EYS: variants seen among roughly 807,000 people sequenced by gnomAD.
The protein encoded by EYS is protein eyes shut homolog.
EYS carries 250 observed loss-of-function variants against 282.1 expected under a neutral mutation model. The observed-to-expected ratio is 0.89, with a 90% CI of 0.80 to 0.98. The LOEUF is 0.98. Among genes scored for constraint, EYS ranks in the 50% least tolerant of loss-of-function variants. The pLI, the probability that EYS is intolerant of heterozygous loss-of-function variation, is 0.00. For synonymous variants in EYS, 1,355 were observed against 1,282.9 expected, an observed-to-expected ratio of 1.06 and a Z score of -1.20; for missense variants, 4,016 against 3,709.0, an observed-to-expected ratio of 1.08 and a Z score of -2.15.
In EYS at chr6:64,669,330, T is replaced by TA. The variant is rs968554622; in HGVS notation, c.3444-43086dup. ...ATCTGTACAGATTCTGATCTTTATC[T>TA]AAAAAAACTGATATTCACCCTTTGA... On this transcript the variant is annotated intron_variant, in intron 22 of 42. Coordinates refer to ENST00000503581, the MANE Select transcript of EYS (RefSeq NM_001142800.2). Among the ~76,000 whole-genome samples the TA allele has an allele frequency of 9.2e-5, 14 of 152,168 alleles. No individual in the cohort carries two copies. In the East Asian group the frequency reaches 1.4e-3, roughly 15 times the overall value.
chr6:64,774,310 C>T (rs79317457), intron 22 of EYS, among the ~76,000 whole-genome samples: 3,815 of 151,882 alleles, frequency 0.025, 156 homozygotes, highest in African/African-American at 0.087. Flanking sequence ...GAAGGGGAAA[C>T]AGCAGGAAAA....
intron 35 of EYS, among the ~76,000 whole-genome samples, chr6:63,943,205 G>A (rs569245323): frequency 6.6e-6 from 1 of 152,258 alleles, no homozygotes; most frequent in South Asian, 2.1e-4. Context: ...TTTATTATTT[G>A]AACCATACAA....
intron 29 of EYS, among the ~76,000 whole-genome samples, chr6:64,372,864 T>C (rs946403607): frequency 1.3e-5 from 2 of 152,218 alleles, no homozygotes; most frequent in East Asian, 3.8e-4. Context: ...CTGCTGTTAA[T>C]ACTTGTGATT....
At chr6:64,978,802 T>C (rs892908117) in intron 14 of EYS, among the ~76,000 whole-genome samples, 4 of 151,894 alleles carry the variant, frequency 2.6e-5, no homozygotes, top group Non-Finnish European at 4.4e-5. Context: ...CAGTGGAGGA[T>C]GGAACTGCCA....
chr6:64,837,408 A>G (rs958164236), intron 19 of EYS, among the ~76,000 whole-genome samples: 1 of 151,374 alleles, frequency 6.6e-6, no homozygotes, highest in African/African-American at 2.4e-5. Context: ...CTTTTCCCCT[A>G]AGAACTGAAA....
At chr6:63,973,380 T>C (rs1351141241) in intron 35 of EYS, among the ~76,000 whole-genome samples, 1 of 152,104 alleles carries the variant, frequency 6.6e-6, no homozygotes, top group African/African-American at 2.4e-5. Context: ...TACAAGGAAC[T>C]TAAACAAATT....
intron 36 of EYS, among the ~76,000 whole-genome samples, chr6:63,824,995 A>G (rs1390918491): frequency 6.6e-6 from 1 of 152,198 alleles, no homozygotes; most frequent in Non-Finnish European, 1.5e-5. Context: ...GCTGGGAGGC[A>G]GAAATCTGGC....
intron 22 of EYS, among the ~76,000 whole-genome samples, chr6:64,760,816 A>G (rs1218266097): frequency 3.9e-5 from 6 of 152,152 alleles, no homozygotes; most frequent in Non-Finnish European, 7.3e-5. Flanking sequence ...GGAACCCTAC[A>G]AAGTCAGAGG....
Position 64,249,851 on chromosome 6 carries a change from A to G in EYS, c.6192-19027T>C, listed in dbSNP as rs1371027165. Among the ~76,000 whole-genome samples the G allele has an allele frequency of 3.3e-5, 5 of 152,274 alleles. No homozygotes were observed. The East Asian group carries it at 9.7e-4, about 29-fold the overall frequency. On this transcript the variant is annotated intron_variant, in intron 30 of 42. Transcript: ENST00000503581. The stretch of plus-strand genomic sequence containing the variant: ...TACCCCTTCAATGTCCTTCCATCAC[A>G]TTGCCCAAACACAATTGGAAGTCAG...
intron 29 of EYS, among the ~76,000 whole-genome samples, chr6:64,383,999 C>T (rs1772829421): frequency 6.6e-6 from 1 of 152,146 alleles, no homozygotes; most frequent in South Asian, 2.1e-4. Flanking sequence ...AAATTTTCTA[C>T]AGATAACTGA....
chr6:64,621,285 C>T (rs1767439003), intron 23 of EYS, among the ~76,000 whole-genome samples: 1 of 152,108 alleles, frequency 6.6e-6, no homozygotes, highest in South Asian at 2.1e-4. Flanking sequence ...GTCACTACTT[C>T]TAAGATTTAT....
At chr6:65,561,531 G>C (rs974848980) in intron 2 of EYS, among the ~76,000 whole-genome samples, 2 of 151,990 alleles carry the variant, frequency 1.3e-5, no homozygotes, top group African/African-American at 4.8e-5. Context: ...TCACATTCGT[G>C]TGTCTCATTT....
intron 22 of EYS, among the ~76,000 whole-genome samples, chr6:64,738,401 C>T (rs1205811791): frequency 6.6e-6 from 1 of 152,156 alleles, no homozygotes; most frequent in African/African-American, 2.4e-5. Context: ...CTTCCAAAAG[C>T]TTTAACAGAA....
chr6:63,756,313 G>GT (rs1582176019), intron 41 of EYS, among the ~76,000 whole-genome samples: 1 of 152,138 alleles, frequency 6.6e-6, no homozygotes, highest in East Asian at 1.9e-4. Flanking sequence ...TCAATACCTA[G>GT]TTTATTAAGA....
At chr6:64,614,469 G>C (rs1024021413) in intron 24 of EYS, among the ~76,000 whole-genome samples, 6 of 152,082 alleles carry the variant, frequency 3.9e-5, no homozygotes, top group Non-Finnish European at 8.8e-5. Flanking sequence ...GTAATTATCA[G>C]ACTGGGAATT....
chr6:65,178,035 C>G (rs1189555709), intron 12 of EYS, among the ~76,000 whole-genome samples: 2 of 151,820 alleles, frequency 1.3e-5, no homozygotes, highest in Non-Finnish European at 2.9e-5. Flanking sequence ...CTTGCAGAAA[C>G]AGACAAATGG....
intron 2 of EYS, among the ~76,000 whole-genome samples, chr6:65,565,466 A>G (rs535405395): frequency 6.6e-6 from 1 of 152,136 alleles, no homozygotes; most frequent in East Asian, 1.9e-4. Context: ...TGGAGAGGAT[A>G]TGGAGGAATA....
At chr6:65,504,498 C>A (rs182815506) in intron 2 of EYS, among the ~76,000 whole-genome samples, 1 of 151,634 alleles carries the variant, frequency 6.6e-6, no homozygotes, top group Non-Finnish European at 1.5e-5. Flanking sequence ...AGGAAAGTAT[C>A]CATTTTTCTA....
chr6:65,584,897 T>TTATA (rs386407368), intron 2 of EYS, among the ~76,000 whole-genome samples: 12 of 89,704 alleles, frequency 1.3e-4, no homozygotes, highest in African/African-American at 1.9e-4. Flanking sequence ...ATTATATATA[T>TTATA]TATATATATA....
Sources: allele counts gnomAD v4.1 joint callset (sites outside exome capture counted in the v4.1 genomes callset), GRCh38; gene constraint gnomAD v4.1.1; transcripts MANE v1.5; gene names NCBI Gene and HGNC (gene_info 2026-07-23, HGNC 2026-07-21).